The following GPHN variants were observed in gnomAD, a reference collection of about 807,000 sequenced individuals.
The protein encoded by GPHN is gephyrin.
GPHN carries 17 observed loss-of-function variants against 95.5 expected under a neutral mutation model. The ratio of observed to expected loss-of-function variants is 0.18; its 90% CI spans 0.12 to 0.27. The LOEUF (loss-of-function observed/expected upper bound fraction) is 0.27. GPHN is among the 10% of genes least tolerant of loss of function. GPHN has a pLI of 1.00. For missense variants in GPHN, 660 were observed against 978.1 expected, an observed-to-expected ratio of 0.67 and a Z score of 4.34; for synonymous variants, 320 against 322.5, an observed-to-expected ratio of 0.99 and a Z score of 0.08.
At chr14:66,539,801 C>T (rs2059288561) in intron 1 of GPHN, among the ~76,000 whole-genome samples, 2 of 152,020 alleles carry the variant, frequency 1.3e-5, no homozygotes, top group African/African-American at 2.4e-5. Flanking sequence ...TTCAAATGCT[C>T]CCAGGAAATA....
rs1219435179 is a variant in GPHN, at chr14:67,050,344, T to C, written c.1007-8305T>C. Among the ~76,000 whole-genome samples the C allele has an allele frequency of 2.0e-5, 3 of 152,244 alleles. No homozygotes were observed. The East Asian group carries it at 5.8e-4, about 29-fold the overall frequency. On this transcript the variant is annotated intron_variant, in intron 10 of 22. Transcript: ENST00000478722. ...CAGCAGAAAGCACTGCTTTACTTTT[T>C]GCTTCCCAATTTTGGACTTTGTTTG...
intron 9 of GPHN, among the ~76,000 whole-genome samples, chr14:67,002,018 C>T (rs2072264543): frequency 6.6e-6 from 1 of 151,562 alleles, no homozygotes; most frequent in South Asian, 2.1e-4. Flanking sequence ...ACCTTTTTTC[C>T]CTTTCAAAGC....
chr14:66,598,893 G>C (rs2062099623), intron 1 of GPHN, among the ~76,000 whole-genome samples: 1 of 151,614 alleles, frequency 6.6e-6, no homozygotes, highest in Non-Finnish European at 1.5e-5. Flanking sequence ...CAGCCTTGCA[G>C]TTGATGCAGT....
intron 13 of GPHN, among the ~76,000 whole-genome samples, chr14:67,103,436 C>T (rs767277410): frequency 2.1e-4 from 31 of 149,208 alleles, no homozygotes; most frequent in African/African-American, 3.0e-4. Flanking sequence ...ATCTGTAGAT[C>T]GCTTTTTTCG....
chr14:67,473,203 C>T, the GPHN span: 2 of 620,800 alleles, frequency 3.2e-6, no homozygotes, highest in Non-Finnish European at 2.7e-6. The surrounding 1 kb of genome is among the most constrained non-coding windows in gnomAD (Gnocchi z 6.5). Context: ...GGACCCTTCC[C>T]AATGTCCCTC....
chr14:67,659,604 AG>A, the GPHN span: 2 of 953,820 alleles, frequency 2.1e-6, no homozygotes, highest in Non-Finnish European at 3.0e-6. Flanking sequence ...AAAGAGGATA[AG>A]GGTGAAAAAA....
intron 4 of GPHN, among the ~76,000 whole-genome samples, chr14:66,831,775 A>C (rs2061589561): frequency 6.6e-6 from 1 of 152,240 alleles, no homozygotes; most frequent in South Asian, 2.1e-4. Context: ...GTCAATAATA[A>C]CAACTAACAC....
At chr14:66,638,985 A>G (rs1023546308) in intron 1 of GPHN, among the ~76,000 whole-genome samples, 2 of 152,126 alleles carry the variant, frequency 1.3e-5, no homozygotes, top group Non-Finnish European at 2.9e-5. Flanking sequence ...GAAGGACCTT[A>G]TCACACAGTA....
chr14:66,914,621 C>T (rs1023160252), intron 5 of GPHN, among the ~76,000 whole-genome samples: 3 of 152,106 alleles, frequency 2.0e-5, no homozygotes, highest in South Asian at 4.1e-4. Context: ...CTACAAACTT[C>T]CGGATGTAGC....
At chr14:66,675,867 A>G (rs1007782027) in intron 1 of GPHN, among the ~76,000 whole-genome samples, 1 of 152,034 alleles carries the variant, frequency 6.6e-6, no homozygotes, top group East Asian at 1.9e-4. Flanking sequence ...TCTTTTTAGC[A>G]GGTATTGACT....
intron 4 of GPHN, among the ~76,000 whole-genome samples, chr14:66,839,124 A>G (rs956812277): frequency 6.6e-6 from 1 of 152,234 alleles, no homozygotes; most frequent in Non-Finnish European, 1.5e-5. Flanking sequence ...ATTAGCAGAA[A>G]GGATCCAAGT....
intron 1 of GPHN, among the ~76,000 whole-genome samples, chr14:66,652,364 C>G (rs375683628): frequency 5.9e-5 from 9 of 151,774 alleles, no homozygotes; most frequent in Non-Finnish European, 1.0e-4. Context: ...TAAGCAAATG[C>G]GTGTATACAA....
At chr14:67,419,694 C>G in the GPHN span, among the ~76,000 whole-genome samples, 1 of 152,058 alleles carries the variant, frequency 6.6e-6, no homozygotes, top group African/African-American at 2.4e-5. Flanking sequence ...ACTAAAGATA[C>G]AAAAATTAGC....
the GPHN span, among the ~76,000 whole-genome samples, chr14:67,435,175 C>T: frequency 6.6e-6 from 1 of 152,090 alleles, no homozygotes; most frequent in African/African-American, 2.4e-5. Context: ...CCAAGTTGGC[C>T]AGGCTGGTCT....
intron 18 of GPHN, among the ~76,000 whole-genome samples, chr14:67,155,663 A>G (rs1416543469): frequency 1.3e-5 from 2 of 152,202 alleles, no homozygotes; most frequent in South Asian, 2.1e-4. Context: ...TCAAACATAT[A>G]TGTAGATGAA....
chr14:66,864,721 C>T (rs954572870), intron 4 of GPHN, among the ~76,000 whole-genome samples: 1 of 151,818 alleles, frequency 6.6e-6, no homozygotes, highest in Non-Finnish European at 1.5e-5. Context: ...TGCAGTGAGC[C>T]GAGACTGTGC....
chr14:67,171,380 A>AAAAAAG (rs925074808), intron 21 of GPHN, among the ~76,000 whole-genome samples: 2 of 149,876 alleles, frequency 1.3e-5, no homozygotes, highest in Admixed American at 1.3e-4. Flanking sequence ...TAAAGAAAAA[A>AAAAAAG]AAAAAGAAAA....
intron 3 of GPHN, among the ~76,000 whole-genome samples, chr14:66,807,520 A>T (rs2060592700): frequency 6.6e-6 from 1 of 152,216 alleles, no homozygotes; most frequent in South Asian, 2.1e-4. Context: ...TCAGTAGATC[A>T]TTCTGCGTGA....
chr14:66,653,565 A>G (rs546364510), intron 1 of GPHN, among the ~76,000 whole-genome samples: 51 of 152,098 alleles, frequency 3.4e-4, no homozygotes, highest in Non-Finnish European at 6.3e-4. Context: ...CAATTTGCCT[A>G]TTTGTAAAAT....
Sources: gnomAD v4.1 joint callset for allele counts (sites outside exome capture counted in the v4.1 genomes callset) on GRCh38, gnomAD v4.1.1 for gene constraint, Gnocchi (gnomAD v3.1) non-coding constraint, MANE v1.5 for transcripts, NCBI Gene and HGNC (gene_info 2026-07-23, HGNC 2026-07-21) for gene names.